The following DLGAP1 variants were observed in gnomAD, a reference collection of about 807,000 sequenced individuals.
The protein encoded by DLGAP1 is DLG associated protein 1, also known as disks large-associated protein 1.
Under a neutral mutation model 90.8 loss-of-function variants are expected in DLGAP1, and 11 were observed. The observed-to-expected ratio is 0.12, with a 90% confidence interval of 0.08 to 0.20. The LOEUF (loss-of-function observed/expected upper bound fraction) is 0.20. Among genes scored for constraint, DLGAP1 ranks in the 10% least tolerant of loss-of-function variants. The pLI is 1.00. For synonymous variants in DLGAP1, 558 were observed against 540.7 expected, an observed-to-expected ratio of 1.03 and a Z score of -0.44; for missense variants, 1,050 against 1,333.8, an observed-to-expected ratio of 0.79 and a Z score of 3.31.
intron 1 of DLGAP1, among the ~76,000 whole-genome samples, chr18:4,204,138 G>C (rs1282966473): frequency 6.6e-6 from 1 of 152,142 alleles, no homozygotes; most frequent in African/African-American, 2.4e-5. Context: ...ATTTAACTCG[G>C]CTTAATCGCC....
At chr18:4,043,028 A>G (rs2074998516) in intron 2 of DLGAP1, among the ~76,000 whole-genome samples, 1 of 152,240 alleles carries the variant, frequency 6.6e-6, no homozygotes, top group African/African-American at 2.4e-5. Flanking sequence ...CAACCACTAA[A>G]AAATGTTTTT....
chr18:4,448,711 T>C (rs976481152), intron 1 of DLGAP1, among the ~76,000 whole-genome samples: 20 of 152,190 alleles, frequency 1.3e-4, no homozygotes, highest in Admixed American at 9.8e-4. Flanking sequence ...CAGAAGCAGA[T>C]AGTAGAACAG....
chr18:3,759,103 A>T (rs2063841682), intron 5 of DLGAP1, among the ~76,000 whole-genome samples: 1 of 151,208 alleles, frequency 6.6e-6, no homozygotes. Context: ...TGTCATCATT[A>T]TTTCTGGGAG....
intron 1 of DLGAP1, among the ~76,000 whole-genome samples, chr18:4,318,516 A>T (rs2080590847): frequency 6.6e-6 from 1 of 152,210 alleles, no homozygotes; most frequent in South Asian, 2.1e-4. Context: ...CCTGCTTGGA[A>T]TTCCTTCTAA....
intron 1 of DLGAP1, among the ~76,000 whole-genome samples, chr18:4,219,027 G>GTTTTTTTTTTTTTTT (rs34333673): frequency 1.1e-5 from 1 of 92,018 alleles, no homozygotes; most frequent in Non-Finnish European, 2.1e-5. Flanking sequence ...TTCTATCTTT[G>GTTTTTTTTTTTTTTT]TTTTTTTTTT....
At chr18:4,438,022 A>G (rs971156773) in intron 1 of DLGAP1, among the ~76,000 whole-genome samples, 14 of 152,190 alleles carry the variant, frequency 9.2e-5, no homozygotes, top group Non-Finnish European at 5.9e-5. Flanking sequence ...AACATAGAAA[A>G]GGCATTTATT....
At chr18:3,623,549 AG>A (rs1185736670) in intron 7 of DLGAP1, among the ~76,000 whole-genome samples, 3 of 152,102 alleles carry the variant, frequency 2.0e-5, no homozygotes, top group Non-Finnish European at 2.9e-5. Flanking sequence ...GCACTTTGGG[AG>A]GCTGAGGCGG....
chr18:4,062,027 C>T (rs1469538493), intron 2 of DLGAP1, among the ~76,000 whole-genome samples: 2 of 152,146 alleles, frequency 1.3e-5, no homozygotes, highest in Non-Finnish European at 2.9e-5. Context: ...TCATAAATAT[C>T]AAGCAAAACA....
chr18:4,243,863 AAT>A (rs1461813359), intron 1 of DLGAP1, among the ~76,000 whole-genome samples: 2 of 152,198 alleles, frequency 1.3e-5, no homozygotes, highest in African/African-American at 4.8e-5. Flanking sequence ...ACAATGTCAA[AAT>A]GGCATTTAAA....
intron 3 of DLGAP1, among the ~76,000 whole-genome samples, chr18:3,943,549 T>G (rs1167238933): frequency 6.8e-6 from 1 of 147,046 alleles, no homozygotes. Flanking sequence ...AATTTGCAAA[T>G]CGGTAGAACT....
intron 10 of DLGAP1, among the ~76,000 whole-genome samples, chr18:3,525,611 G>A (rs533559761): frequency 6.6e-6 from 1 of 152,332 alleles, no homozygotes; most frequent in South Asian, 2.1e-4. Context: ...ATGTTGGCCA[G>A]GCTGGTCTCC....
intron 2 of DLGAP1, among the ~76,000 whole-genome samples, chr18:4,077,579 C>G (rs1397903106): frequency 6.6e-6 from 1 of 152,070 alleles, no homozygotes; most frequent in Non-Finnish European, 1.5e-5. Flanking sequence ...TCCTGCCCGC[C>G]TGACCCACCC....
chr18:3,662,935 C>G (rs2059737260), intron 7 of DLGAP1, among the ~76,000 whole-genome samples: 1 of 152,112 alleles, frequency 6.6e-6, no homozygotes, highest in Non-Finnish European at 1.5e-5. Context: ...ACAACAGCAT[C>G]AAATGGGCCC....
chr18:4,335,699 A>G (rs1485207789), intron 1 of DLGAP1, among the ~76,000 whole-genome samples: 1 of 152,244 alleles, frequency 6.6e-6, no homozygotes, highest in African/African-American at 2.4e-5. Context: ...GAATGTAAAA[A>G]AAGAAAAATA....
chr18:3,681,318 C>G (rs933981770), intron 7 of DLGAP1, among the ~76,000 whole-genome samples: 1 of 152,132 alleles, frequency 6.6e-6, no homozygotes, highest in Non-Finnish European at 1.5e-5. Flanking sequence ...AAGGATTTCC[C>G]TTGCCAGGAT....
chr18:3,568,831 T>C (rs185467442), intron 8 of DLGAP1, among the ~76,000 whole-genome samples: 1,708 of 151,474 alleles, frequency 0.011, 21 homozygotes, highest in African/African-American at 0.038. Flanking sequence ...GGACTACAGG[T>C]GCCCGCCACC....
At chr18:4,258,879 G>A (rs2078949627) in intron 1 of DLGAP1, among the ~76,000 whole-genome samples, 1 of 152,048 alleles carries the variant, frequency 6.6e-6, no homozygotes, top group Non-Finnish European at 1.5e-5. Context: ...TGGAACAATA[G>A]GAACCAAGCA....
chr18:3,784,190 A>T (rs552504264), intron 5 of DLGAP1, among the ~76,000 whole-genome samples: 127 of 152,202 alleles, frequency 8.3e-4, no homozygotes, highest in African/African-American at 3.0e-3. Flanking sequence ...ATGAAGGGAG[A>T]AGTGTCAGCC....
chr18:3,722,327 T>C (rs952044791), intron 7 of DLGAP1: 2 of 152,236 alleles, frequency 1.3e-5, no homozygotes, highest in Admixed American at 6.5e-5. Context: ...CTGTGCCTGA[T>C]AGGACTTTTG....
Sources: gnomAD v4.1 joint callset for allele counts (sites outside exome capture counted in the v4.1 genomes callset) on GRCh38, gnomAD v4.1.1 for gene constraint, MANE v1.5 for transcripts, NCBI Gene and HGNC (gene_info 2026-07-23, HGNC 2026-07-21) for gene names.